Variants in RSPO2 observed in about 807,000 individuals in gnomAD.
RSPO2 encodes R-spondin 2, also known as R-spondin-2.
Under a neutral mutation model 30.9 loss-of-function variants are expected in RSPO2, and 14 were observed. The observed-to-expected ratio is 0.45, with a 90% CI of 0.30 to 0.71. RSPO2 has a LOEUF of 0.71. Ranked by LOEUF, RSPO2 falls within the 30% of genes least tolerant of loss-of-function variation. The probability of loss-of-function intolerance (pLI) is 0.08; values close to 1 mark genes in which losing one functional copy is unlikely to be tolerated. For missense variants in RSPO2, 264 were observed against 301.9 expected (o/e 0.87, Z 0.93); for synonymous variants, 107 against 96.4 (o/e 1.11, Z -0.64).
intron 3 of RSPO2, among the ~76,000 whole-genome samples, chr8:107,966,725 C>G (rs1198825788): frequency 6.6e-6 from 1 of 152,148 alleles, no homozygotes; most frequent in Non-Finnish European, 1.5e-5. Flanking sequence ...ATTAAGATGA[C>G]AAGAATCATC....
chr8:107,935,966 C>T (rs2130359874), intron 5 of RSPO2, among the ~76,000 whole-genome samples: 1 of 152,182 alleles, frequency 6.6e-6, no homozygotes, highest in East Asian at 1.9e-4. Context: ...AACACTTCAA[C>T]CCTCTCTTCT....
intron 2 of RSPO2, among the ~76,000 whole-genome samples, chr8:108,046,815 G>T (rs1258429570): frequency 1.3e-5 from 2 of 152,026 alleles, no homozygotes; most frequent in South Asian, 2.1e-4. Flanking sequence ...ATTGTTAAGG[G>T]CAATTCACAG....
chr8:108,067,855 G>A (rs1010382355), intron 2 of RSPO2, among the ~76,000 whole-genome samples: 19 of 152,156 alleles, frequency 1.2e-4, no homozygotes, highest in African/African-American at 3.9e-4. Flanking sequence ...TTGGGAGGCC[G>A]AGGCAGGCAG....
intron 2 of RSPO2, among the ~76,000 whole-genome samples, chr8:108,014,875 G>A (rs1420626946): frequency 6.6e-6 from 1 of 150,642 alleles, no homozygotes; most frequent in African/African-American, 2.4e-5. Flanking sequence ...AAATTCGGTA[G>A]ATTGGAATAA....
chr8:107,983,942 G>C, intron 3 of RSPO2: 1 of 1,041,600 alleles, frequency 9.6e-7, no homozygotes, highest in Non-Finnish European at 1.5e-6. Flanking sequence ...GCTCTCTGAG[G>C]ATATTCTGAA....
At chr8:108,071,577 C>G (rs969589066) in intron 2 of RSPO2, among the ~76,000 whole-genome samples, 1 of 152,204 alleles carries the variant, frequency 6.6e-6, no homozygotes. Flanking sequence ...ATGGATAGGA[C>G]AGCTCTGATT....
chr8:107,959,836 T>C (rs546520982), intron 4 of RSPO2, among the ~76,000 whole-genome samples: 2 of 152,326 alleles, frequency 1.3e-5, no homozygotes, highest in South Asian at 4.1e-4. Flanking sequence ...TTGCAAGCTC[T>C]CAAATACACA....
rs35990028 is a variant in RSPO2 at position 107,914,462 on chromosome 8, T to TAAAA, written c.617-13276_617-13273dup. 6.3e-4 allele frequency among the ~76,000 whole-genome samples: 90 copies of TAAAA among 142,936 alleles called. 3 individuals are homozygous for TAAAA. The highest frequency in any genetic ancestry group is 2.9e-3 in the South Asian group (13 of 4,548). 93.8% of individuals were successfully genotyped at this position (142,936 alleles called of 152,430 possible). A position where few individuals can be genotyped will look rare whatever the true frequency, so the allele number is the denominator to read the frequency against. The stretch of plus-strand genomic sequence containing the variant: ...AAGATGTCAATGCTCACAGAATAGG[T>TAAAA]AAAAAAAAAAAAATACCTTTTAACA... On this transcript the variant is annotated intron_variant, in intron 5 of 5. Transcript: ENST00000276659.
At position 107,900,336 on chromosome 8, in the gene RSPO2, AG is replaced by A. The variant is rs1016466610; in HGVS notation, c.*738del. 3 of 152,010 alleles carry A rather than the reference AG, an allele frequency of 2.0e-5. No homozygotes were observed. The highest frequency in any genetic ancestry group is 4.4e-5 in the Non-Finnish European group (3 of 67,958). 9.4% of individuals were successfully genotyped at this position (152,010 alleles called of 1,614,324 possible). A position where few individuals can be genotyped will look rare whatever the true frequency, so the allele number is the denominator to read the frequency against. On this transcript the variant is annotated 3_prime_UTR_variant, in exon 6 of 6. Coordinates refer to ENST00000276659, the MANE Select transcript of RSPO2 (RefSeq NM_178565.5). ...TACAATGAGAAATAAGCCCACAATGAGGGGAAAAAAAAAAAGTTTCAAGAGG... is the reference window on the plus strand; with the variant it reads ...TACAATGAGAAATAAGCCCACAATGAGGGAAAAAAAAAAAGTTTCAAGAGG...
intron 2 of RSPO2, among the ~76,000 whole-genome samples, chr8:108,019,932 A>G (rs1015561298): frequency 6.6e-6 from 1 of 152,072 alleles, no homozygotes; most frequent in Non-Finnish European, 1.5e-5. Flanking sequence ...TTCCTTCAGG[A>G]CTAATTCTCT....
At chr8:107,994,641 GT>G (rs766049196) in intron 2 of RSPO2, among the ~76,000 whole-genome samples, 3 of 151,992 alleles carry the variant, frequency 2.0e-5, no homozygotes, top group Non-Finnish European at 4.4e-5. Context: ...GTAACTTTTA[GT>G]TTTCACTACG....
chr8:108,059,167 A>G (rs1563584043), intron 2 of RSPO2, among the ~76,000 whole-genome samples: 1 of 151,586 alleles, frequency 6.6e-6, no homozygotes, highest in Non-Finnish European at 1.5e-5. Context: ...AAAATAAACA[A>G]CCCCATCAAA....
chr8:107,944,795 C>A lies in RSPO2; in HGVS notation c.616+13285G>T, dbSNP rs888627317. Among the ~76,000 whole-genome samples, 11 of 152,162 alleles carry A rather than the reference C, an allele frequency of 7.2e-5. No homozygotes were observed. In the East Asian group the frequency reaches 7.7e-4, roughly 11 times the overall value. On this transcript the variant is annotated intron_variant, in intron 5 of 5. Transcript: ENST00000276659. ...ATGCAAATGAGTGCATCTTGAAGTT[C>A]TGTTTTTATAGGAAGACATGCTCTT...
chr8:108,009,592 A>G (rs574835824), intron 2 of RSPO2, among the ~76,000 whole-genome samples: 15 of 152,338 alleles, frequency 9.8e-5, no homozygotes, highest in African/African-American at 3.4e-4. Flanking sequence ...ATTTATTTTT[A>G]GCTCTTAGCT....
rs777998572 is a variant in RSPO2 at position 107,996,788 on chromosome 8, C to G, written c.95-7544G>C. 4.9e-4 allele frequency: 152 copies of G among 312,738 alleles called. 1 individual carries two copies. The highest frequency in any genetic ancestry group is 1.7e-3 in the Middle Eastern group (2 of 1,188). 19.4% of individuals were successfully genotyped at this position (312,738 alleles called of 1,614,324 possible). A position where few individuals can be genotyped will look rare whatever the true frequency, so the allele number is the denominator to read the frequency against. On this transcript the variant is annotated intron_variant, in intron 2 of 5. Transcript: ENST00000276659. Reference sequence around the variant, plus strand: ...CAGGAGCCAACTTTCATCTTGACCACAAAGATCTCAGAGTCAACAAACTGT... The same window carrying G: ...CAGGAGCCAACTTTCATCTTGACCAGAAAGATCTCAGAGTCAACAAACTGT...
At chr8:107,912,071 G>A (rs746160772) in intron 5 of RSPO2, among the ~76,000 whole-genome samples, 4 of 152,008 alleles carry the variant, frequency 2.6e-5, no homozygotes, top group Non-Finnish European at 5.9e-5. Context: ...ACATTTAGCA[G>A]CTCCAACTCA....
At chr8:107,994,532 TAAAAG>T (rs1167914563) in intron 2 of RSPO2, among the ~76,000 whole-genome samples, 1 of 152,086 alleles carries the variant, frequency 6.6e-6, no homozygotes, top group Non-Finnish European at 1.5e-5. Context: ...AATCGTACCT[TAAAAG>T]AAAAGACACA....
intron 2 of RSPO2, among the ~76,000 whole-genome samples, chr8:108,022,643 G>A (rs1397309849): frequency 6.6e-6 from 1 of 152,070 alleles, no homozygotes; most frequent in Non-Finnish European, 1.5e-5. Flanking sequence ...CACAGTAGTT[G>A]TGCTGGGCAT....
intron 2 of RSPO2, chr8:107,989,473 A>G: frequency 6.4e-6 from 3 of 465,602 alleles, no homozygotes; most frequent in Non-Finnish European, 1.1e-5. Context: ...TGAGGCCAGA[A>G]GCTAAAGCTG....
Sources: gnomAD v4.1 joint callset for allele counts (sites outside exome capture counted in the v4.1 genomes callset) on GRCh38, gnomAD v4.1.1 for gene constraint, MANE v1.5 for transcripts, NCBI Gene and HGNC (gene_info 2026-07-23, HGNC 2026-07-21) for gene names.